Variants in CCDC171 observed in about 807,000 individuals in gnomAD.
CCDC171 encodes coiled-coil domain-containing protein 171.
CCDC171 carries 177 observed loss-of-function variants against 168.2 expected under a neutral mutation model. That is an observed-to-expected ratio of 1.05 (90% CI 0.93 to 1.19). CCDC171 has a LOEUF of 1.19. Ranked by LOEUF, CCDC171 falls within the 50% of genes most tolerant of loss-of-function variation. The pLI, the probability that CCDC171 is intolerant of heterozygous loss-of-function variation, is 0.00. For synonymous variants in CCDC171, 687 were observed against 540.8 expected (o/e 1.27, Z -3.75); for missense variants, 1,991 against 1,539.0 (o/e 1.29, Z -4.91).
chr9:15,554,018 T>C (rs1165678390), intron 1 of CCDC171, among the ~76,000 whole-genome samples: 1 of 138,976 alleles, frequency 7.2e-6, no homozygotes, highest in Non-Finnish European at 1.5e-5. Context: ...CATACGATTT[T>C]GTCACTTTTT....
chr9:15,858,128 C>A (rs1588880237), intron 23 of CCDC171, among the ~76,000 whole-genome samples: 2 of 152,036 alleles, frequency 1.3e-5, no homozygotes, highest in Non-Finnish European at 2.9e-5. Flanking sequence ...ATCAATTCTC[C>A]CGCCTCAGCC....
chr9:16,014,958 A>T (rs1041268542), intron 3 of CCDC171, among the ~76,000 whole-genome samples: 1 of 152,124 alleles, frequency 6.6e-6, no homozygotes, highest in Admixed American at 6.6e-5. Flanking sequence ...CGCTAACAAG[A>T]GTGTCAGCCT....
chr9:15,695,486 T>A, intron 11 of CCDC171, 149 bp downstream of exon 11: 1 of 646,082 alleles, frequency 1.5e-6, no homozygotes, highest in Non-Finnish European at 2.8e-6. Context: ...AGCAGTCAGT[T>A]GGCCTAGCTG....
chr9:15,789,145 C>G (rs1252125443), intron 21 of CCDC171, among the ~76,000 whole-genome samples: 1 of 152,044 alleles, frequency 6.6e-6, no homozygotes, highest in African/African-American at 2.4e-5. Flanking sequence ...AATCCAAAAT[C>G]CAAAATGCTC....
rs748756458 is a variant in CCDC171 at position 15,636,974 on chromosome 9, G to A, written c.822+13561G>A. On this transcript the variant is annotated intron_variant, in intron 7 of 25. Coordinates refer to ENST00000380701, the MANE Select transcript of CCDC171 (RefSeq NM_173550.4). ...GTTTTGACTCAGTTAAGAAAATATCGGCTGGGCGTGGTGGCTCATGCCTGT... is the reference window on the plus strand; with the variant it reads ...GTTTTGACTCAGTTAAGAAAATATCAGCTGGGCGTGGTGGCTCATGCCTGT... 1.1e-4 allele frequency among the ~76,000 whole-genome samples: 16 copies of A among 151,298 alleles called. No homozygotes were observed. In the South Asian group the frequency reaches 1.5e-3, roughly 14 times the overall value.
chr9:15,603,124 G>A (rs549167017), intron 6 of CCDC171, among the ~76,000 whole-genome samples: 64 of 151,976 alleles, frequency 4.2e-4, no homozygotes, highest in Admixed American at 1.2e-3. Flanking sequence ...TGGGCCTACA[G>A]GCGCCCGTCA....
intron 23 of CCDC171, among the ~76,000 whole-genome samples, chr9:15,858,305 C>A (rs139391247): frequency 2.6e-5 from 4 of 152,190 alleles, no homozygotes; most frequent in African/African-American, 9.6e-5. Context: ...AGGCATGAGC[C>A]ACTGCATCCA....
chr9:15,656,996 T>C, intron 7 of CCDC171, 131 bp from the exon 8 acceptor site: 1 of 461,598 alleles, frequency 2.2e-6, no homozygotes, highest in Admixed American at 3.9e-5. Flanking sequence ...CATTCCATTC[T>C]TGCAAAGAAA....
At chr9:15,800,316 T>C (rs1394120582) in intron 21 of CCDC171, among the ~76,000 whole-genome samples, 1 of 152,164 alleles carries the variant, frequency 6.6e-6, no homozygotes, top group African/African-American at 2.4e-5. Context: ...TTAACTGGAG[T>C]AAGATGATAC....
intron 3 of CCDC171, among the ~76,000 whole-genome samples, chr9:16,006,036 A>G (rs1026835089): frequency 6.6e-6 from 1 of 151,536 alleles, no homozygotes; most frequent in Non-Finnish European, 1.5e-5. Flanking sequence ...ATTTTTTTGT[A>G]TTTTTAGTAG....
intron 9 of CCDC171, among the ~76,000 whole-genome samples, chr9:15,667,067 T>C (rs1403213436): frequency 6.6e-6 from 1 of 152,202 alleles, no homozygotes; most frequent in Non-Finnish European, 1.5e-5. Flanking sequence ...TTAGAATCTT[T>C]CTGACTCCTA....
At chr9:15,688,705 A>T (rs1372255237) in intron 10 of CCDC171, among the ~76,000 whole-genome samples, 1 of 152,186 alleles carries the variant, frequency 6.6e-6, no homozygotes, top group Non-Finnish European at 1.5e-5. Flanking sequence ...CTTCCTCCTC[A>T]ACCTCAAGAA....
intron 25 of CCDC171, among the ~76,000 whole-genome samples, chr9:15,937,213 A>T (rs753390006): frequency 6.6e-6 from 1 of 152,086 alleles, no homozygotes; most frequent in South Asian, 2.1e-4. Context: ...TAAAATTGCA[A>T]TTTTTTTCAA....
chr9:16,069,825 C>G, the CCDC171 span, among the ~76,000 whole-genome samples: 1 of 152,170 alleles, frequency 6.6e-6, no homozygotes, highest in Non-Finnish European at 1.5e-5. Context: ...TGCTGACATG[C>G]TTCAAAACAT....
At chr9:16,006,581 C>T (rs1589318457) in intron 3 of CCDC171, among the ~76,000 whole-genome samples, 2 of 146,418 alleles carry the variant, frequency 1.4e-5, no homozygotes, top group Admixed American at 6.9e-5. Context: ...TCCCTCCCCC[C>T]TCCCCTCACC....
chr9:16,095,696 C>T, the CCDC171 span, among the ~76,000 whole-genome samples: 7 of 151,794 alleles, frequency 4.6e-5, no homozygotes, highest in South Asian at 2.1e-4. Context: ...TGGTGCCAGG[C>T]GAACCTGGTG....
At chr9:15,829,363 A>G (rs2060139170) in intron 21 of CCDC171, among the ~76,000 whole-genome samples, 2 of 152,314 alleles carry the variant, frequency 1.3e-5, no homozygotes, top group South Asian at 4.1e-4. Context: ...TGGCCAAGTG[A>G]AATTTACAGA....
intron 16 of CCDC171, among the ~76,000 whole-genome samples, chr9:15,735,259 G>C (rs2054417045): frequency 6.6e-6 from 1 of 152,160 alleles, no homozygotes; most frequent in South Asian, 2.1e-4. Context: ...TAAATACGTT[G>C]AGCCATCATG....
chr9:15,645,112 GCTGATATC>G (rs1442152411), intron 7 of CCDC171, among the ~76,000 whole-genome samples: 1 of 152,226 alleles, frequency 6.6e-6, no homozygotes, highest in Non-Finnish European at 1.5e-5. Flanking sequence ...AGCTTCCGCT[GCTGATATC>G]CAGGCACACA....
Sources: gnomAD v4.1 joint callset for allele counts (sites outside exome capture counted in the v4.1 genomes callset) on GRCh38, gnomAD v4.1.1 for gene constraint, MANE v1.5 for transcripts, NCBI Gene and HGNC (gene_info 2026-07-23, HGNC 2026-07-21) for gene names.